ACOX3: variants seen among roughly 807,000 people sequenced by gnomAD.
ACOX3 encodes acyl-CoA oxidase 3, pristanoyl.
In ACOX3, 73 loss-of-function variants were observed where a neutral mutation model predicts 81.5. That is an observed-to-expected ratio of 0.90 (90% CI 0.74 to 1.09). ACOX3 has a LOEUF of 1.09. Among genes scored for constraint, ACOX3 ranks in the 50% least tolerant of loss-of-function variants. The pLI is 0.00. For missense variants in ACOX3, 947 were observed against 928.0 expected, an observed-to-expected ratio of 1.02 and a Z score of -0.27; for synonymous variants, 387 against 375.1, an observed-to-expected ratio of 1.03 and a Z score of -0.37.
downstream of ACOX3, among the ~76,000 whole-genome samples, chr4:8,362,349 T>A (rs149371249): frequency 5.9e-3 from 906 of 152,380 alleles, 8 homozygotes; most frequent in Middle Eastern, 0.037. Flanking sequence ...TCAAGGAAAC[T>A]TTTCTTTTGA....
rs962171889 is a variant in ACOX3, at chr4:8,370,346, G to T, written c.1983+562C>A. Among the ~76,000 whole-genome samples, 24 of 152,160 alleles carry T rather than the reference G, an allele frequency of 1.6e-4. No homozygotes were observed. The highest frequency in any genetic ancestry group is 3.2e-4 in the Non-Finnish European group (22 of 67,976). On this transcript the variant is annotated intron_variant, in intron 17 of 17. Transcript: ENST00000356406. The surrounding 1 kb of genome is among the most constrained non-coding windows in gnomAD (Gnocchi z 6.3). ...AGGAGGCTGGTGGAGGCTCCCTCAG[G>T]GGGGCGGCCTGACCCCATCTGCTAT...
At chr4:8,410,867 G>A (rs932272353) in intron 5 of ACOX3, among the ~76,000 whole-genome samples, 5 of 152,346 alleles carry the variant, frequency 3.3e-5, no homozygotes, top group Admixed American at 2.0e-4. Context: ...CAAGGCAGCC[G>A]CTCAGAACAT....
chr4:8,378,011 C>T (rs1475314667), intron 14 of ACOX3, among the ~76,000 whole-genome samples: 1 of 152,142 alleles, frequency 6.6e-6, no homozygotes, highest in Non-Finnish European at 1.5e-5. Flanking sequence ...CCTCAGCTGC[C>T]CCTCCAGAGC....
intron 5 of ACOX3, 74 bp from the exon 6 acceptor site, chr4:8,410,429 A>T (rs1721592708): frequency 5.8e-6 from 9 of 1,547,978 alleles, no homozygotes; most frequent in Non-Finnish European, 7.1e-6. Context: ...TTCCTTTTAG[A>T]CAGATTCCAT....
intron 16 of ACOX3, among the ~76,000 whole-genome samples, chr4:8,371,861 C>A (rs1578851235): frequency 6.6e-6 from 1 of 152,222 alleles, no homozygotes; most frequent in Admixed American, 6.5e-5. Flanking sequence ...ACCGGCTTTG[C>A]GGGCCACGGT....
rs1374389266 is a variant in ACOX3 at position 8,389,630 on chromosome 4, G to C, written c.1405C>G (p.Leu469Val). ...QQTSNYLLGL[L>V]AHQVHDGACF... Reference sequence around the variant, plus strand: ...GCCTCACCGTGGACCTGGTGTGCCAGGAGACCCAGCAAATAGTTGCTTGTC... The same window carrying C: ...GCCTCACCGTGGACCTGGTGTGCCACGAGACCCAGCAAATAGTTGCTTGTC... The change falls in exon 12 of 18, where the codon CTG (leucine) becomes GTG (valine). Residue 469 changes from leucine (L) to valine (V), a missense_variant. Transcript: ENST00000356406. This position sits in a 1 kb window ranked among gnomAD's most constrained non-coding sequence, Gnocchi z 5.3. The C allele has an allele frequency of 6.2e-7, 1 of 1,613,968 alleles. No individual in the cohort carries two copies. Among genetic ancestry groups the C allele is most frequent in the South Asian group, 1.1e-5 (1 of 91,074 alleles).
downstream of ACOX3, among the ~76,000 whole-genome samples, chr4:8,364,831 T>A (rs142870594): frequency 5.3e-5 from 8 of 152,008 alleles, no homozygotes; most frequent in East Asian, 1.6e-3. The surrounding 1 kb of genome is among the most constrained non-coding windows in gnomAD (Gnocchi z 5.0). Flanking sequence ...AGGCAAAACA[T>A]GAAAACCCCT....
the ACOX3 span, chr4:8,356,806 G>A: frequency 1.1e-5 from 5 of 456,402 alleles, no homozygotes; most frequent in African/African-American, 2.0e-5. Flanking sequence ...GAGCAGAATG[G>A]TGCATGCTAA....
chr4:8,373,602 C>T lies in ACOX3; in HGVS notation c.1855G>A (p.Gly619Arg). 1 of 1,613,448 alleles carries T rather than the reference C, an allele frequency of 6.2e-7. No homozygotes were observed. Among genetic ancestry groups the T allele is most frequent in the Non-Finnish European group, 8.5e-7 (1 of 1,179,720 alleles). Residue 619 changes from glycine to arginine, a missense_variant, in exon 16 of 18, where the codon GGA becomes AGA. Transcript: ENST00000356406. The stretch of plus-strand genomic sequence containing the variant: ...AGGACGGCGCTCTCCAACACTTCTC[C>T]CGCCTGCTCACCGGAGAAGTATCCT... Reference protein sequence around the residue: ...RGGYFSGEQAGEVLESAVLAL... With the variant: ...RGGYFSGEQAREVLESAVLAL...
At position 8,416,955 on chromosome 4, in the gene ACOX3, G is replaced by C; in HGVS notation, c.-14-420C>G. 6.6e-6 allele frequency among the ~76,000 whole-genome samples: 1 copy of C among 152,262 alleles called. No homozygotes were observed. The highest frequency in any genetic ancestry group is 1.5e-5 in the Non-Finnish European group (1 of 68,050). ...TCCCTCTGGAATCCAGCCAGTGCCAGCTGGTCCACTCTGGCCACACACAAT... is the reference window on the plus strand; with the variant it reads ...TCCCTCTGGAATCCAGCCAGTGCCACCTGGTCCACTCTGGCCACACACAAT... On this transcript the variant is annotated intron_variant, in intron 1 of 17. Coordinates refer to ENST00000356406, the MANE Select transcript of ACOX3 (RefSeq NM_003501.3). This position sits in a 1 kb window ranked among gnomAD's most constrained non-coding sequence, Gnocchi z 4.2.
At chr4:8,380,291 G>A (rs1441120055) in intron 14 of ACOX3, among the ~76,000 whole-genome samples, 3 of 149,548 alleles carry the variant, frequency 2.0e-5, no homozygotes, top group Non-Finnish European at 4.4e-5. Flanking sequence ...CCAGGTTCAA[G>A]CGACTCTCCT....
chr4:8,364,086 C>T (rs1007605768), downstream of ACOX3, among the ~76,000 whole-genome samples: 2 of 152,150 alleles, frequency 1.3e-5, no homozygotes, highest in African/African-American at 4.8e-5. The surrounding 1 kb of genome is among the most constrained non-coding windows in gnomAD (Gnocchi z 5.0). Flanking sequence ...CAAGAACCCT[C>T]TCTTGGGGTC....
At chr4:8,435,541 T>C (rs1222355550) in intron 1 of ACOX3, among the ~76,000 whole-genome samples, 2 of 151,770 alleles carry the variant, frequency 1.3e-5, no homozygotes, top group African/African-American at 2.4e-5. Flanking sequence ...TGGTGTTGGA[T>C]GGCCCACCGA....
At chr4:8,439,772 C>T (rs1296977084) in intron 1 of ACOX3, among the ~76,000 whole-genome samples, 1 of 152,190 alleles carries the variant, frequency 6.6e-6, no homozygotes, top group Non-Finnish European at 1.5e-5. Flanking sequence ...CACTCTGTCT[C>T]CCAAAGAGAC....
In ACOX3 at chr4:8,399,798, T is replaced by C. The variant is rs769351812; in HGVS notation, c.777-146A>G. 4.6e-5 allele frequency: 32 copies of C among 688,738 alleles called. No homozygotes were observed. The highest frequency in any genetic ancestry group is 2.4e-4 in the South Asian group (13 of 53,110). 42.7% of individuals were successfully genotyped at this position (688,738 alleles called of 1,614,324 possible). ...GTAGACAGGAACATTCAACCAACTT[T>C]CTATTCAAAAAAGTAGTCTAGTCAG... On this transcript the variant is annotated intron_variant, in intron 7 of 17. Coordinates refer to ENST00000356406, the MANE Select transcript of ACOX3 (RefSeq NM_003501.3). This position sits in a 1 kb window ranked among gnomAD's most constrained non-coding sequence, Gnocchi z 4.9.
Position 8,389,267 on chromosome 4 carries a change from A to T in ACOX3, c.1443T>A (p.Ser481Arg). Residue 481 changes from serine (S) to arginine (R), a missense_variant, in exon 13 of 18, where the codon AGT (serine) becomes AGA (arginine). Ser to Arg is a moderately radical substitution (Grantham distance 110). Transcript: ENST00000356406. This position sits in a 1 kb window ranked among gnomAD's most constrained non-coding sequence, Gnocchi z 5.3. ...CCAGAAAGTCCACTGACTTCAGCGG[A>T]CTGCGGAAGCAAGCTCCATCTAGGA... The part of the protein sequence containing the change: ...HQVHDGACFR[S>R]PLKSVDFLDA... The T allele has an allele frequency of 6.2e-7, 1 of 1,613,304 alleles. No homozygotes were observed. Among genetic ancestry groups the T allele is most frequent in the Non-Finnish European group, 8.5e-7 (1 of 1,179,742 alleles).
At position 8,431,250 on chromosome 4, in the gene ACOX3, T is replaced by C. The variant is rs1206262389; in HGVS notation, c.-15+9398A>G. On this transcript the variant is annotated intron_variant, in intron 1 of 17. Transcript: ENST00000356406. The surrounding 1 kb of genome is among the most constrained non-coding windows in gnomAD (Gnocchi z 5.3). ...CCTCTGGCTTGTCAGGGCTGGCCTG[T>C]AGCAAGTTTTGGCCCCCTGACTTCA... is the stretch of plus-strand genomic sequence containing the variant. 1.3e-5 allele frequency among the ~76,000 whole-genome samples: 2 copies of C among 152,226 alleles called. No homozygotes were observed. Among genetic ancestry groups the C allele is most frequent in the East Asian group, 3.8e-4 (2 of 5,204 alleles).
the ACOX3 span, among the ~76,000 whole-genome samples, chr4:8,360,235 T>C: frequency 6.6e-6 from 1 of 152,238 alleles, no homozygotes; most frequent in Non-Finnish European, 1.5e-5. Flanking sequence ...GTGATGTTTA[T>C]GAATGAAAGA....
Position 8,394,786 on chromosome 4 carries a change from T to G in ACOX3, c.1057-44A>C, listed in dbSNP as rs1001669164. ...CTGCGTGAACACATCGTGGTTCCCATGAAGGGCAGCCCATCCCAGGGACCA... is the reference window on the plus strand; with the variant it reads ...CTGCGTGAACACATCGTGGTTCCCAGGAAGGGCAGCCCATCCCAGGGACCA... On this transcript the variant is annotated intron_variant, in intron 9 of 17. Transcript: ENST00000356406. The surrounding 1 kb of genome is among the most constrained non-coding windows in gnomAD (Gnocchi z 5.9). 6.3e-7 allele frequency: 1 copy of G among 1,590,554 alleles called. No individual in the cohort carries two copies. The highest frequency in any genetic ancestry group is 1.7e-5 in the Admixed American group (1 of 58,778).
Sources: gnomAD v4.1 joint callset for allele counts (sites outside exome capture counted in the v4.1 genomes callset) on GRCh38, gnomAD v4.1.1 for gene constraint, Gnocchi (gnomAD v3.1) non-coding constraint, MANE v1.5 for transcripts, NCBI Gene and HGNC (gene_info 2026-07-23, HGNC 2026-07-21) for gene names.